The following HECTD2 variants were observed in gnomAD, a reference collection of about 807,000 sequenced individuals.
The protein encoded by HECTD2 is HECT domain E3 ubiquitin protein ligase 2, also known as probable E3 ubiquitin-protein ligase HECTD2.
A neutral mutation model predicts 103.2 loss-of-function variants in HECTD2; 35 were observed. That is an observed-to-expected ratio of 0.34 (90% CI 0.26 to 0.45). HECTD2 has a LOEUF of 0.45. HECTD2 is among the 20% of genes least tolerant of loss of function. The pLI is 1.00. For synonymous variants in HECTD2, 281 were observed against 329.9 expected (o/e 0.85, Z 1.61); for missense variants, 596 against 937.4 (o/e 0.64, Z 4.76).
Position 91,410,464 on chromosome 10 carries a change from C to G in HECTD2, c.26C>G (p.Ser9Trp). 6.8e-7 allele frequency: 1 copy of G among 1,460,276 alleles called. No homozygotes were observed. Among genetic ancestry groups the G allele is most frequent in the Non-Finnish European group, 9.0e-7 (1 of 1,110,148 alleles). 90.5% of individuals were successfully genotyped at this position (1,460,276 alleles called of 1,614,324 possible). Residue 9 changes from serine (S) to tryptophan (W), a missense_variant, in exon 1 of 21, where the codon TCG (serine) becomes TGG (tryptophan). Around this residue, in one of 4 missense-constraint regions of HECTD2, gnomAD observed 220 missense variants for 233.9 expected, o/e 0.94. Coordinates refer to ENST00000298068, the MANE Select transcript of HECTD2 (RefSeq NM_182765.6). Reference protein sequence around the residue: MSEAVRVPSPATPLVVAAP... With the variant: MSEAVRVPWPATPLVVAAP... ...ATGAGTGAGGCGGTTCGGGTACCCT[C>G]GCCCGCCACTCCGCTGGTGGTGGCG...
rs115438842 is a variant in HECTD2 at position 91,466,271 on chromosome 10, A to T, written c.600+4087A>T. On this transcript the variant is annotated intron_variant, in intron 5 of 20. Transcript: ENST00000298068. ...TGTCTATAGAATCAGTGTGAGAATG[A>T]TCTTTCATTTAGTAATTAGTATTTT... Among the ~76,000 whole-genome samples the T allele has an allele frequency of 2.0e-3, 302 of 152,188 alleles. 1 individual carries two copies. The highest frequency in any genetic ancestry group is 7.0e-3 in the African/African-American group (292 of 41,536).
At chr10:91,429,594 G>A (rs1843743436) in intron 2 of HECTD2, among the ~76,000 whole-genome samples, 1 of 152,106 alleles carries the variant, frequency 6.6e-6, no homozygotes, top group Admixed American at 6.6e-5. Context: ...AATTCTTCCT[G>A]GTTTAGTCTT....
At chr10:91,495,537 T>A (rs1846635042) in intron 14 of HECTD2, among the ~76,000 whole-genome samples, 1 of 152,090 alleles carries the variant, frequency 6.6e-6, no homozygotes, top group Non-Finnish European at 1.5e-5. Context: ...GTTGAAATAC[T>A]ATGAAATTTG....
At chr10:91,412,589 A>G (rs780614365) in intron 1 of HECTD2, among the ~76,000 whole-genome samples, 12 of 151,136 alleles carry the variant, frequency 7.9e-5, no homozygotes, top group Non-Finnish European at 1.3e-4. Flanking sequence ...CTTGTGCCTT[A>G]TAAAGTCTTT....
chr10:91,508,354 A>C (rs1391225623), intron 20 of HECTD2, among the ~76,000 whole-genome samples: 6 of 148,658 alleles, frequency 4.0e-5, no homozygotes, highest in Admixed American at 4.0e-4. Flanking sequence ...AATGGGAGAA[A>C]ATTTTCACAA....
chr10:91,464,024 A>AC (rs1373191990), intron 5 of HECTD2, among the ~76,000 whole-genome samples: 1 of 152,164 alleles, frequency 6.6e-6, no homozygotes, highest in Non-Finnish European at 1.5e-5. Flanking sequence ...AACAGAATTA[A>AC]CCTAAGGCAA....
chr10:91,467,118 T>G (rs1589515527), intron 5 of HECTD2, among the ~76,000 whole-genome samples: 1 of 152,140 alleles, frequency 6.6e-6, no homozygotes, highest in East Asian at 1.9e-4. Context: ...GTAATGGGAT[T>G]CATTCATGAC....
At chr10:91,510,082 G>A (rs1171365369) in intron 20 of HECTD2, among the ~76,000 whole-genome samples, 1 of 152,144 alleles carries the variant, frequency 6.6e-6, no homozygotes, top group Non-Finnish European at 1.5e-5. Context: ...AGCCAGTGCA[G>A]GATTTCAATT....
upstream of HECTD2, chr10:91,410,305 C>CGGAGTGGCGGCG (rs1331736384): frequency 3.2e-6 from 1 of 314,164 alleles, no homozygotes; most frequent in Non-Finnish European, 4.7e-6. Context: ...CGGGCGGGGG[C>CGGAGTGGCGGCG]GGAGTGGCGG....
At chr10:91,479,755 A>G (rs1044569492) in intron 6 of HECTD2, among the ~76,000 whole-genome samples, 4 of 152,174 alleles carry the variant, frequency 2.6e-5, no homozygotes, top group Non-Finnish European at 5.9e-5. Context: ...TTTATTTACA[A>G]AGCAGTTATG....
intron 20 of HECTD2, among the ~76,000 whole-genome samples, chr10:91,509,920 A>G (rs1364701963): frequency 1.3e-5 from 2 of 152,198 alleles, no homozygotes; most frequent in Non-Finnish European, 1.5e-5. Flanking sequence ...TGTACCCCTG[A>G]ACCTAAAATA....
At chr10:91,493,919 C>A (rs1322644045) in intron 14 of HECTD2, among the ~76,000 whole-genome samples, 1 of 151,768 alleles carries the variant, frequency 6.6e-6, no homozygotes, top group Non-Finnish European at 1.5e-5. Context: ...CTTTAATATG[C>A]CTCCAAATCC....
chr10:91,468,173 A>C (rs1389884902), intron 5 of HECTD2, among the ~76,000 whole-genome samples: 3 of 152,118 alleles, frequency 2.0e-5, no homozygotes. Context: ...GTGCCAGTGG[A>C]CCAAGAAGAC....
At chr10:91,475,338 C>T (rs1310757744) in intron 5 of HECTD2, among the ~76,000 whole-genome samples, 1 of 152,150 alleles carries the variant, frequency 6.6e-6, no homozygotes, top group Non-Finnish European at 1.5e-5. Flanking sequence ...GGATGTGGCA[C>T]TCAAAGGCAA....
intron 18 of HECTD2, 138 bp downstream of exon 18, chr10:91,499,288 C>A: frequency 1.8e-6 from 1 of 570,714 alleles, no homozygotes; most frequent in Non-Finnish European, 3.0e-6. Context: ...GAACTAAAAA[C>A]AAAAATAGTT....
intron 2 of HECTD2, among the ~76,000 whole-genome samples, chr10:91,455,060 T>C (rs555275702): frequency 9.2e-5 from 14 of 152,208 alleles, no homozygotes; most frequent in Non-Finnish European, 1.5e-4. Context: ...AGCAGCATGA[T>C]TTAAAATCCT....
Position 91,410,527 on chromosome 10 carries a change from A to C in HECTD2, c.89A>C (p.Glu30Ala). Reference sequence around the variant, plus strand: ...GAGGAGAGGAAAGGGAAGGAGTCAGAGCGCGAGAAGCTGCCGCCCATCGTA... The same window carrying C: ...GAGGAGAGGAAAGGGAAGGAGTCAGCGCGCGAGAAGCTGCCGCCCATCGTA... ...APEERKGKESEREKLPPIVSA... is the reference protein window; with the variant it reads ...APEERKGKESAREKLPPIVSA... Residue 30 changes from glutamate (E) to alanine (A), a missense_variant, in exon 1 of 21, where the codon GAG becomes GCG. Physicochemically the swap from Glu to Ala is moderately radical, Grantham distance 107. This residue lies in a region of HECTD2 where 220 missense variants were observed against 233.9 expected (regional missense o/e 0.94). Coordinates refer to ENST00000298068, the MANE Select transcript of HECTD2 (RefSeq NM_182765.6). 1 of 1,472,548 alleles carries C rather than the reference A, an allele frequency of 6.8e-7. No individual in the cohort carries two copies. Among genetic ancestry groups the C allele is most frequent in the South Asian group, 1.3e-5 (1 of 76,968 alleles). 91.2% of individuals were successfully genotyped at this position (1,472,548 alleles called of 1,614,324 possible). A position where few individuals can be genotyped will look rare whatever the true frequency, so the allele number is the denominator to read the frequency against.
chr10:91,467,328 G>A (rs962935807), intron 5 of HECTD2, among the ~76,000 whole-genome samples: 1 of 152,180 alleles, frequency 6.6e-6, no homozygotes, highest in Non-Finnish European at 1.5e-5. Context: ...GGGAACATCT[G>A]CAGTGGAGCA....
chr10:91,460,093 AC>A, intron 2 of HECTD2, among the ~76,000 whole-genome samples: 1 of 152,224 alleles, frequency 6.6e-6, no homozygotes, highest in East Asian at 1.9e-4. Context: ...TCATTGAAAT[AC>A]CCCCGGAAAG....
Sources: allele counts gnomAD v4.1 joint callset (sites outside exome capture counted in the v4.1 genomes callset), GRCh38; gene constraint gnomAD v4.1.1; regional missense constraint gnomAD v4.1.1; transcripts MANE v1.5; gene names NCBI Gene and HGNC (gene_info 2026-07-23, HGNC 2026-07-21).